The following GALNTL6 variants were observed in gnomAD, a reference collection of about 807,000 sequenced individuals.
GALNTL6 encodes polypeptide N-acetylgalactosaminyltransferase like 6.
Under a neutral mutation model 73.7 loss-of-function variants are expected in GALNTL6, and 46 were observed. That is an observed-to-expected ratio of 0.62 (90% confidence interval 0.49 to 0.80). The LOEUF is 0.80. Ranked by LOEUF, GALNTL6 falls within the 30% of genes least tolerant of loss-of-function variation. GALNTL6 has a pLI of 0.00. For missense variants in GALNTL6, 604 were observed against 755.0 expected (o/e 0.80, Z 2.34); for synonymous variants, 259 against 263.7 (o/e 0.98, Z 0.17).
intron 8 of GALNTL6, among the ~76,000 whole-genome samples, chr4:172,921,456 CA>C (rs1249480362): frequency 6.6e-6 from 1 of 152,012 alleles, no homozygotes; most frequent in Non-Finnish European, 1.5e-5. Context: ...AAAAATAAGA[CA>C]AACATTTAAT....
chr4:172,801,583 A>G (rs1456000194), intron 5 of GALNTL6, among the ~76,000 whole-genome samples: 1 of 152,152 alleles, frequency 6.6e-6, no homozygotes, highest in African/African-American at 2.4e-5. Context: ...TAAACCTGGG[A>G]AAAAGCTTTC....
intron 5 of GALNTL6, among the ~76,000 whole-genome samples, chr4:172,356,665 A>G (rs1206041835): frequency 6.6e-6 from 1 of 152,226 alleles, no homozygotes; most frequent in African/African-American, 2.4e-5. Flanking sequence ...ACTGAGGAAT[A>G]AATTCATATT....
At chr4:172,198,415 GAAAA>G (rs539962986) in intron 2 of GALNTL6, among the ~76,000 whole-genome samples, 1 of 140,264 alleles carries the variant, frequency 7.1e-6, no homozygotes. Context: ...AAATTTACAA[GAAAA>G]AAAAAAGACC....
intron 7 of GALNTL6, among the ~76,000 whole-genome samples, chr4:172,834,960 A>T (rs1742830571): frequency 6.6e-6 from 1 of 152,194 alleles, no homozygotes; most frequent in African/African-American, 2.4e-5. Context: ...TCTGATTGAG[A>T]TTTCTGTAAT....
chr4:172,133,834 G>A (rs765538421), intron 2 of GALNTL6, among the ~76,000 whole-genome samples: 46 of 152,200 alleles, frequency 3.0e-4, no homozygotes, highest in Non-Finnish European at 5.1e-4. Context: ...GAGAAGTAGA[G>A]AGCAATGTAT....
chr4:172,576,355 A>G (rs2110961463), intron 5 of GALNTL6, among the ~76,000 whole-genome samples: 1 of 152,328 alleles, frequency 6.6e-6, no homozygotes, highest in East Asian at 1.9e-4. Flanking sequence ...ATCCTTCATC[A>G]TAAAAAATCC....
chr4:172,317,077 A>AAAGAAGTC (rs1402974829), intron 4 of GALNTL6, among the ~76,000 whole-genome samples: 1 of 152,194 alleles, frequency 6.6e-6, no homozygotes, highest in Non-Finnish European at 1.5e-5. Context: ...TCTGTAGAGA[A>AAAGAAGTC]AAGAAGTCTC....
chr4:172,859,727 C>T (rs529714537), intron 7 of GALNTL6, among the ~76,000 whole-genome samples: 3 of 152,232 alleles, frequency 2.0e-5, no homozygotes, highest in East Asian at 3.9e-4. Flanking sequence ...TATTTACAGG[C>T]ACTCCCCATT....
rs116843818 is a variant in GALNTL6, at chr4:172,478,843, T to G, written c.553+130154T>G. On this transcript the variant is annotated intron_variant, in intron 5 of 12. Transcript: ENST00000506823. ...AAAAAACAGATAATCTCATTAAAAG[T>G]AGGCAAACATCATGAACAGACAGTT... is the stretch of plus-strand genomic sequence containing the variant. Among the ~76,000 whole-genome samples the G allele has an allele frequency of 2.5e-3, 386 of 152,196 alleles. 13 individuals carry two copies. In the East Asian group the frequency reaches 0.062, roughly 25 times the overall value.
intron 4 of GALNTL6, among the ~76,000 whole-genome samples, chr4:172,319,680 A>G (rs1740687763): frequency 6.6e-6 from 1 of 152,192 alleles, no homozygotes; most frequent in African/African-American, 2.4e-5. Flanking sequence ...TTGTCTGACA[A>G]TTATTTATTA....
intron 2 of GALNTL6, among the ~76,000 whole-genome samples, chr4:171,912,889 T>A (rs1015502594): frequency 6.6e-6 from 1 of 152,228 alleles, no homozygotes; most frequent in Admixed American, 6.5e-5. Flanking sequence ...TTATTCTTTT[T>A]TTGTGATTGA....
intron 2 of GALNTL6, among the ~76,000 whole-genome samples, chr4:172,166,061 A>T (rs1375399928): frequency 6.6e-6 from 1 of 152,244 alleles, no homozygotes; most frequent in Non-Finnish European, 1.5e-5. Context: ...AAAGACCCAA[A>T]ATACATTTTC....
chr4:172,960,375 C>T (rs143733057), intron 10 of GALNTL6, among the ~76,000 whole-genome samples: 7,279 of 152,080 alleles, frequency 0.048, 260 homozygotes, highest in African/African-American at 0.092. Context: ...TAAGCCAGAC[C>T]GGGTGTGAGG....
intron 5 of GALNTL6, among the ~76,000 whole-genome samples, chr4:172,592,390 C>T (rs1023100578): frequency 9.9e-5 from 15 of 152,254 alleles, no homozygotes; most frequent in African/African-American, 3.6e-4. Flanking sequence ...CCAAACATCT[C>T]CCACTCTCCC....
chr4:172,081,355 C>G (rs1197895410), intron 2 of GALNTL6, among the ~76,000 whole-genome samples: 1 of 152,166 alleles, frequency 6.6e-6, no homozygotes, highest in Non-Finnish European at 1.5e-5. Context: ...AAGTTGACAA[C>G]CTGGGTGGGC....
intron 9 of GALNTL6, among the ~76,000 whole-genome samples, chr4:172,949,134 G>A (rs1255972779): frequency 2.6e-5 from 4 of 152,012 alleles, no homozygotes; most frequent in South Asian, 2.1e-4. Flanking sequence ...AGATACATAC[G>A]CACACTATGA....
chr4:171,989,628 T>C (rs1359068101), intron 2 of GALNTL6, among the ~76,000 whole-genome samples: 1 of 152,170 alleles, frequency 6.6e-6, no homozygotes, highest in Non-Finnish European at 1.5e-5. Flanking sequence ...CAGAAATACA[T>C]TGCTACTTGG....
At chr4:172,130,764 TG>T (rs1434784080) in intron 2 of GALNTL6, among the ~76,000 whole-genome samples, 1 of 152,086 alleles carries the variant, frequency 6.6e-6, no homozygotes, top group Non-Finnish European at 1.5e-5. Context: ...AAATATGAAA[TG>T]AATGCATTTG....
At chr4:172,813,248 G>A (rs1217948274) in intron 6 of GALNTL6, among the ~76,000 whole-genome samples, 1 of 152,136 alleles carries the variant, frequency 6.6e-6, no homozygotes, top group East Asian at 1.9e-4. Flanking sequence ...TGACAGACTG[G>A]GGACAGGTCA....
Sources: gnomAD v4.1 joint callset for allele counts (sites outside exome capture counted in the v4.1 genomes callset) on GRCh38, gnomAD v4.1.1 for gene constraint, MANE v1.5 for transcripts, NCBI Gene and HGNC (gene_info 2026-07-23, HGNC 2026-07-21) for gene names.